The following DOK5 variants were observed in gnomAD, a reference collection of about 807,000 sequenced individuals.
DOK5 encodes the protein downstream of tyrosine kinase 5.
Under a neutral mutation model 43.3 loss-of-function variants are expected in DOK5, and 27 were observed. That is an observed-to-expected ratio of 0.62 (90% CI 0.46 to 0.86). DOK5 has a LOEUF of 0.86. DOK5 is among the 40% of genes least tolerant of loss of function. The probability of loss-of-function intolerance (pLI) is 0.00; values close to 1 mark genes in which losing one functional copy is unlikely to be tolerated. For missense variants in DOK5, 373 were observed against 392.9 expected, an observed-to-expected ratio of 0.95 and a Z score of 0.43; for synonymous variants, 146 against 140.1, an observed-to-expected ratio of 1.04 and a Z score of -0.30.
At chr20:54,520,778 C>T (rs1290165023) in intron 1 of DOK5, among the ~76,000 whole-genome samples, 1 of 151,888 alleles carries the variant, frequency 6.6e-6, no homozygotes, top group Admixed American at 6.6e-5. Flanking sequence ...AAAGCAAAAC[C>T]CTGTCTCAAA....
intron 6 of DOK5, among the ~76,000 whole-genome samples, chr20:54,636,700 C>T (rs80099056): frequency 2.0e-5 from 3 of 152,344 alleles, no homozygotes; most frequent in African/African-American, 7.2e-5. Flanking sequence ...CTAATAACTC[C>T]ATTTCCCACG....
chr20:54,642,141 T>A (rs1397124610), intron 6 of DOK5, among the ~76,000 whole-genome samples: 2 of 152,112 alleles, frequency 1.3e-5, no homozygotes, highest in African/African-American at 4.8e-5. Flanking sequence ...CCTTTCCTTT[T>A]ATTCTACCCA....
intron 2 of DOK5, among the ~76,000 whole-genome samples, chr20:54,566,322 G>A (rs1208570187): frequency 6.6e-6 from 1 of 152,024 alleles, no homozygotes; most frequent in Non-Finnish European, 1.5e-5. Context: ...ATCCACTGAC[G>A]AACATCTGGG....
rs931259439 is a variant in DOK5, at chr20:54,475,735, G to A, written c.-212G>A. On this transcript the variant is annotated 5_prime_UTR_variant, in exon 1 of 8. Transcript: ENST00000262593. This position sits in a 1 kb window ranked among gnomAD's most constrained non-coding sequence, Gnocchi z 4.2. Reference sequence around the variant, plus strand: ...CCCCGCGCCGCGCTCTGCGCTCCCCGAAAGTGGCTGCAAGCCGGCCGCCCA... The same window carrying A: ...CCCCGCGCCGCGCTCTGCGCTCCCCAAAAGTGGCTGCAAGCCGGCCGCCCA... The A allele has an allele frequency of 1.3e-5, 8 of 639,304 alleles. No individual in the cohort carries two copies. The highest frequency in any genetic ancestry group is 1.2e-4 in the Admixed American group (4 of 33,752). 39.6% of individuals were successfully genotyped at this position (639,304 alleles called of 1,614,324 possible). A position where few individuals can be genotyped will look rare whatever the true frequency, so the allele number is the denominator to read the frequency against.
At chr20:54,480,906 T>TATCTATCTATCTATCTATC (rs1483054578) in intron 1 of DOK5, among the ~76,000 whole-genome samples, 3 of 143,796 alleles carry the variant, frequency 2.1e-5, no homozygotes, top group African/African-American at 8.6e-5. Flanking sequence ...GGCCTCCATC[T>TATCTATCTATCTATCTATC]ATCTATCTAT....
chr20:54,502,313 A>G (rs1393051501), intron 1 of DOK5, among the ~76,000 whole-genome samples: 1 of 152,180 alleles, frequency 6.6e-6, no homozygotes, highest in Non-Finnish European at 1.5e-5. Flanking sequence ...GTATAAGGTA[A>G]TTCTTTGTAC....
chr20:54,585,990 G>T (rs1216158363), intron 2 of DOK5, among the ~76,000 whole-genome samples: 1 of 152,152 alleles, frequency 6.6e-6, no homozygotes, highest in Non-Finnish European at 1.5e-5. Context: ...TGAGTGTGGT[G>T]GTGGGCGCCT....
chr20:54,634,066 G>A (rs1017362075), intron 6 of DOK5, among the ~76,000 whole-genome samples: 2 of 152,222 alleles, frequency 1.3e-5, no homozygotes, highest in East Asian at 1.9e-4. Flanking sequence ...CAGTGTCAGC[G>A]AAACCAAATG....
chr20:54,584,442 G>A (rs935873844), intron 2 of DOK5, among the ~76,000 whole-genome samples: 1 of 151,396 alleles, frequency 6.6e-6, no homozygotes, highest in South Asian at 2.1e-4. Flanking sequence ...ACATACAAAA[G>A]CTGAACTATT....
intron 1 of DOK5, among the ~76,000 whole-genome samples, chr20:54,479,170 A>T (rs1981561979): frequency 6.6e-6 from 1 of 152,238 alleles, no homozygotes; most frequent in African/African-American, 2.4e-5. Context: ...GAAATCCTAA[A>T]GAGTTTAAAT....
chr20:54,622,141 C>T (rs1204880239), intron 6 of DOK5, among the ~76,000 whole-genome samples: 1 of 151,718 alleles, frequency 6.6e-6, no homozygotes, highest in Non-Finnish European at 1.5e-5. Context: ...TTGCAGTGAG[C>T]CGAGATCACG....
chr20:54,589,689 G>A (rs1985922676), intron 4 of DOK5, among the ~76,000 whole-genome samples: 1 of 152,144 alleles, frequency 6.6e-6, no homozygotes, highest in African/African-American at 2.4e-5. Context: ...TACGGACATG[G>A]CAGAGATGGA....
intron 6 of DOK5, among the ~76,000 whole-genome samples, chr20:54,628,225 T>G (rs533810193): frequency 7.9e-5 from 12 of 151,830 alleles, no homozygotes; most frequent in African/African-American, 2.9e-4. Flanking sequence ...CTGTTAAGAA[T>G]TCATTCTTCC....
chr20:54,496,899 A>G (rs146438274), intron 1 of DOK5, among the ~76,000 whole-genome samples: 241 of 152,070 alleles, frequency 1.6e-3, no homozygotes, highest in Admixed American at 5.4e-3. Flanking sequence ...AGATTTCATG[A>G]TTTCTCTAAG....
chr20:54,554,885 A>G lies in DOK5; in HGVS notation c.67-48A>G, dbSNP rs749775931. On this transcript the variant is annotated intron_variant, in intron 1 of 7. Coordinates refer to ENST00000262593, the MANE Select transcript of DOK5 (RefSeq NM_018431.5). ...TCAAAAAGAAAACATTTAAATGCAA[A>G]TGTCAGTCAGGGGAGATGCTGAGCT... 4.2e-6 allele frequency: 5 copies of G among 1,177,980 alleles called. No homozygotes were observed. The Admixed American group carries it at 9.0e-5, about 21-fold the overall frequency. The allele number at this position is 1,177,980 out of a possible 1,614,324, so 73.0% of individuals were successfully genotyped here.
chr20:54,592,968 A>C (rs1387744960), intron 5 of DOK5, among the ~76,000 whole-genome samples: 4 of 143,626 alleles, frequency 2.8e-5, no homozygotes, highest in Non-Finnish European at 5.9e-5. Context: ...GTAAAAGCAG[A>C]CAGTTATTCC....
At chr20:54,524,598 T>C (rs962223046) in intron 1 of DOK5, among the ~76,000 whole-genome samples, 2 of 152,216 alleles carry the variant, frequency 1.3e-5, no homozygotes, top group African/African-American at 4.8e-5. Context: ...CCTTCATTAT[T>C]CAATAGGAAA....
intron 2 of DOK5, among the ~76,000 whole-genome samples, chr20:54,564,241 G>A (rs1985014382): frequency 6.6e-6 from 1 of 152,022 alleles, no homozygotes; most frequent in Admixed American, 6.6e-5. Context: ...GGCTAACACG[G>A]TGAAACCCCG....
At chr20:54,590,119 A>T (rs1985933471) in intron 4 of DOK5, among the ~76,000 whole-genome samples, 1 of 152,228 alleles carries the variant, frequency 6.6e-6, no homozygotes, top group Non-Finnish European at 1.5e-5. Context: ...TTGGGGAAGC[A>T]GTATCCTGAC....
Sources: gnomAD v4.1 joint callset for allele counts (sites outside exome capture counted in the v4.1 genomes callset) on GRCh38, gnomAD v4.1.1 for gene constraint, Gnocchi (gnomAD v3.1) non-coding constraint, MANE v1.5 for transcripts, NCBI Gene and HGNC (gene_info 2026-07-23, HGNC 2026-07-21) for gene names.